Variants in AKAP19 observed in about 807,000 individuals in gnomAD.
AKAP19 encodes the protein A-kinase anchoring protein 19.
At chr2:190,187,787 G>C in the AKAP19 span, among the ~76,000 whole-genome samples, 2 of 152,298 alleles carry the variant, frequency 1.3e-5, 1 homozygote, top group East Asian at 3.9e-4. Context: ...CCAGGAGTTC[G>C]AGGCTGCTGT....
the AKAP19 span, among the ~76,000 whole-genome samples, chr2:190,103,638 A>G: frequency 6.6e-6 from 1 of 152,246 alleles, no homozygotes; most frequent in Admixed American, 6.5e-5. Flanking sequence ...CAAGGAGGTA[A>G]AAGATCTCTA....
chr2:190,165,304 G>A, the AKAP19 span, among the ~76,000 whole-genome samples: 5 of 152,170 alleles, frequency 3.3e-5, no homozygotes, highest in East Asian at 5.8e-4. Flanking sequence ...GGGCATGGTG[G>A]TGGGCGCCTG....
At chr2:190,005,013 G>A in the AKAP19 span, among the ~76,000 whole-genome samples, 2 of 152,294 alleles carry the variant, frequency 1.3e-5, no homozygotes, top group South Asian at 2.1e-4. Flanking sequence ...CTTAAAGATG[G>A]TGTGTCCAGA....
chr2:190,055,124 T>C, the AKAP19 span, among the ~76,000 whole-genome samples: 1 of 152,022 alleles, frequency 6.6e-6, no homozygotes, highest in Non-Finnish European at 1.5e-5. Context: ...GTGGCACATA[T>C]ACACCATGGA....
the AKAP19 span, among the ~76,000 whole-genome samples, chr2:189,993,812 T>C: frequency 6.6e-6 from 1 of 152,140 alleles, no homozygotes; most frequent in Admixed American, 6.5e-5. Context: ...TTCATAGTGG[T>C]CTTGAATGAT....
the AKAP19 span, among the ~76,000 whole-genome samples, chr2:190,012,205 G>A: frequency 1.3e-5 from 2 of 152,104 alleles, no homozygotes; most frequent in South Asian, 2.1e-4. Context: ...GCTCACTGCA[G>A]CCTCTGCTTC....
the AKAP19 span, among the ~76,000 whole-genome samples, chr2:190,038,958 CTTCTTCTTCTTCT>C: frequency 6.9e-6 from 1 of 144,538 alleles, no homozygotes; most frequent in Non-Finnish European, 1.5e-5. Flanking sequence ...TCTTCTTCTT[CTTCTTCTTCTTCT>C]TTCTTCTTCT....
the AKAP19 span, among the ~76,000 whole-genome samples, chr2:190,084,095 T>C: frequency 2.0e-5 from 3 of 150,040 alleles, no homozygotes; most frequent in African/African-American, 7.3e-5. Context: ...CTCAGGTTTT[T>C]TTTTTTTTTT....
At chr2:190,183,438 AAAAGT>A in the AKAP19 span, among the ~76,000 whole-genome samples, 3 of 152,188 alleles carry the variant, frequency 2.0e-5, no homozygotes. Flanking sequence ...GATCTACCAC[AAAAGT>A]AAATAACATT....
the AKAP19 span, among the ~76,000 whole-genome samples, chr2:190,175,857 T>C: frequency 5.1e-3 from 782 of 152,322 alleles, 7 homozygotes; most frequent in African/African-American, 0.018. Flanking sequence ...GCCGATGTGA[T>C]AGGATTAAGA....
At chr2:190,166,317 CTTTTTTTTT>C in the AKAP19 span, among the ~76,000 whole-genome samples, 24 of 65,300 alleles carry the variant, frequency 3.7e-4, no homozygotes, top group African/African-American at 1.1e-3. Context: ...AAAATCCACT[CTTTTTTTTT>C]TTTTTTTTTT....
At chr2:190,083,853 G>T in the AKAP19 span, among the ~76,000 whole-genome samples, 18 of 152,212 alleles carry the variant, frequency 1.2e-4, no homozygotes, top group East Asian at 3.1e-3. Flanking sequence ...CTCAGAGAAG[G>T]TTTCTTTTCT....
At chr2:190,088,990 A>G in the AKAP19 span, among the ~76,000 whole-genome samples, 1 of 152,198 alleles carries the variant, frequency 6.6e-6, no homozygotes, top group Admixed American at 6.6e-5. Context: ...AGTTATTCTC[A>G]TGGAAGCCCT....
the AKAP19 span, among the ~76,000 whole-genome samples, chr2:189,936,930 G>T: frequency 1.3e-5 from 2 of 152,092 alleles, no homozygotes; most frequent in Non-Finnish European, 2.9e-5. Flanking sequence ...TTCAAGACCA[G>T]CCTGGGCAAC....
chr2:189,966,382 T>C, the AKAP19 span, among the ~76,000 whole-genome samples: 7 of 152,164 alleles, frequency 4.6e-5, no homozygotes, highest in African/African-American at 1.4e-4. Context: ...GATGCAGGTT[T>C]GCAATAAACC....
At chr2:189,933,257 C>A in the AKAP19 span, among the ~76,000 whole-genome samples, 1 of 152,138 alleles carries the variant, frequency 6.6e-6, no homozygotes, top group East Asian at 1.9e-4. Context: ...ATAAAGACTT[C>A]TACTCCTTTT....
chr2:190,074,067 A>C, the AKAP19 span, among the ~76,000 whole-genome samples: 2 of 151,922 alleles, frequency 1.3e-5, no homozygotes, highest in Non-Finnish European at 2.9e-5. Flanking sequence ...AAAATTGCAG[A>C]ATATCTAGGC....
chr2:190,124,542 T>G, the AKAP19 span, among the ~76,000 whole-genome samples: 4 of 151,730 alleles, frequency 2.6e-5, no homozygotes, highest in African/African-American at 9.7e-5. Flanking sequence ...AAACCCTATC[T>G]CTACAAAAAA....
At chr2:190,071,453 G>A in the AKAP19 span, among the ~76,000 whole-genome samples, 2 of 152,134 alleles carry the variant, frequency 1.3e-5, no homozygotes, top group African/African-American at 4.8e-5. Flanking sequence ...ATATAGTACA[G>A]TAACATGCAG....
Sources: allele counts gnomAD v4.1 joint callset (sites outside exome capture counted in the v4.1 genomes callset), GRCh38; gene constraint gnomAD v4.1.1; transcripts MANE v1.5; gene names NCBI Gene and HGNC (gene_info 2026-07-23, HGNC 2026-07-21).